The following CLTRN variants were observed in gnomAD, a reference collection of about 807,000 sequenced individuals.
CLTRN encodes collectrin, amino acid transport regulator.
In CLTRN, 12 loss-of-function variants were observed where a neutral mutation model predicts 14.5. The observed-to-expected ratio is 0.83, with a 90% confidence interval of 0.53 to 1.34. The LOEUF (loss-of-function observed/expected upper bound fraction) is 1.34, where lower values mean the gene tolerates loss of function less well. Among genes scored for constraint, CLTRN ranks in the 40% most tolerant of loss-of-function variants. CLTRN has a pLI of 0.00. For synonymous variants in CLTRN, 58 were observed against 56.5 expected (o/e 1.03, Z -0.12); for missense variants, 154 against 165.1 (o/e 0.93, Z 0.37).
chrX:15,633,847 A>T (rs1445491285), intron 5 of CLTRN, among the ~76,000 whole-genome samples: 1 of 112,343 alleles, frequency 8.9e-6, no homozygotes, highest in South Asian at 3.6e-4. Context: ...TTACTATAAG[A>T]TTACAATCTC....
At chrX:15,667,546 G>A (rs1033618317), upstream of CLTRN, among the ~76,000 whole-genome samples, 16 of 112,621 alleles carry the variant, frequency 1.4e-4, no homozygotes, top group East Asian at 2.8e-4. Flanking sequence ...TTCCATCAGC[G>A]TCAACGAATG....
chrX:15,636,799 ACATTTATGTCAGTCAATCCT>A (rs1928829904), intron 5 of CLTRN, among the ~76,000 whole-genome samples: 1 of 111,552 alleles, frequency 9.0e-6, no homozygotes, highest in Non-Finnish European at 1.9e-5. Context: ...TACTTTATAC[ACATTTATGTCAGTCAATCCT>A]CATGAAAGCC....
At chrX:15,629,640 A>G (rs1458434551) in intron 5 of CLTRN, among the ~76,000 whole-genome samples, 1 of 111,592 alleles carries the variant, frequency 9.0e-6, no homozygotes, top group East Asian at 2.8e-4. Flanking sequence ...AGTAATAGGA[A>G]CAGAAAATCA....
At chrX:15,637,905 T>C (rs1358608278) in intron 5 of CLTRN, among the ~76,000 whole-genome samples, 1 of 112,093 alleles carries the variant, frequency 8.9e-6, no homozygotes, top group African/African-American at 3.2e-5. Flanking sequence ...TCTCCTAAGC[T>C]CAGTTTCCCT....
At chrX:15,646,713 C>T in intron 3 of CLTRN, 1 of 341,396 alleles carries the variant, frequency 2.9e-6, no homozygotes, top group Non-Finnish European at 5.9e-6. Context: ...TCCCAACAGG[C>T]TGCCGCTGCT....
In CLTRN at chrX:15,653,330, T is replaced by C. The variant is rs767596647; in HGVS notation, c.203+5686A>G. Among the ~76,000 whole-genome samples, 43 of 108,820 alleles carry C rather than the reference T, an allele frequency of 4.0e-4. No homozygotes were observed. The South Asian group carries it at 0.015, about 37-fold the overall frequency. The allele number at this position is 108,820 out of a possible 115,157, so 94.5% of individuals were successfully genotyped here. On this transcript the variant is annotated intron_variant, in intron 3 of 5. Transcript: ENST00000380342. ...GGATCACGGTGGCCTTTTCTCTTTT[T>C]TTCTTTTTTTTAATTTAACTTTTCC...
At chrX:15,664,692 T>C in intron 1 of CLTRN, 26 bp downstream of exon 1, 1 of 1,165,692 alleles carries the variant, frequency 8.6e-7, no homozygotes, top group Non-Finnish European at 1.2e-6. Flanking sequence ...ACTGTTCATC[T>C]ATTTTTAAAT....
At chrX:15,630,811 G>T (rs1468275093) in intron 5 of CLTRN, among the ~76,000 whole-genome samples, 1 of 111,641 alleles carries the variant, frequency 9.0e-6, no homozygotes, top group Non-Finnish European at 1.9e-5. Context: ...GGTTGGGGTG[G>T]ACATAGATTT....
chrX:15,659,031 T>G lies in CLTRN; in HGVS notation c.188A>C (p.Asn63Thr), dbSNP rs771146784. The change falls in exon 3 of 6, where the codon AAC becomes ACC. Residue 63 changes from asparagine to threonine, a missense_variant. Physicochemically the swap from Asn to Thr is moderately conservative, Grantham distance 65. Coordinates refer to ENST00000380342, the MANE Select transcript of CLTRN (RefSeq NM_020665.6). ...MVAFSMRKVP[N>T]REATEISHVL... is the part of the protein sequence containing the mutation. ...ATTTGCTTACTCTGTTGCTTCTCTG[T>G]TGGGAACTTTTCTCATGGAGAAAGC... is the stretch of plus-strand genomic sequence containing the variant. 24 of 1,159,805 alleles carry G rather than the reference T, an allele frequency of 2.1e-5. No homozygotes were observed. Among genetic ancestry groups the G allele is most frequent in the Admixed American group, 6.7e-5 (3 of 44,900 alleles).
chrX:15,656,602 G>A (rs5936004), intron 3 of CLTRN, among the ~76,000 whole-genome samples: 1 of 110,281 alleles, frequency 9.1e-6, no homozygotes, highest in Admixed American at 9.7e-5. Flanking sequence ...GCGGCTACTG[G>A]TATCTTCCAT....
intron 5 of CLTRN, among the ~76,000 whole-genome samples, chrX:15,634,915 C>T (rs760160550): frequency 9.5e-6 from 1 of 105,558 alleles, no homozygotes; most frequent in African/African-American, 3.5e-5. Context: ...CACATGTACC[C>T]TAAAACTTAA....
intron 3 of CLTRN, among the ~76,000 whole-genome samples, chrX:15,652,565 T>C (rs1929245255): frequency 9.0e-6 from 1 of 110,958 alleles, no homozygotes; most frequent in South Asian, 3.7e-4. Flanking sequence ...GCTAAGTTCA[T>C]ATACAAAAAA....
At chrX:15,644,193 A>T (rs1929005056) in intron 4 of CLTRN, among the ~76,000 whole-genome samples, 1 of 111,896 alleles carries the variant, frequency 8.9e-6, no homozygotes, top group Admixed American at 9.4e-5. Flanking sequence ...CTTTTTCCTG[A>T]TTGTCCTGCT....
At chrX:15,629,147 T>G (rs1383495841) in intron 5 of CLTRN, among the ~76,000 whole-genome samples, 1 of 111,643 alleles carries the variant, frequency 9.0e-6, no homozygotes, top group East Asian at 2.8e-4. Flanking sequence ...ATGAGGCTCC[T>G]GGACTTGCAA....
chrX:15,657,606 T>C (rs1569254214), intron 3 of CLTRN, among the ~76,000 whole-genome samples: 1 of 102,500 alleles, frequency 9.8e-6, no homozygotes, highest in Non-Finnish European at 2.0e-5. Context: ...AGGTTACCAT[T>C]GTGAGATAAC....
intron 1 of CLTRN, 47 bp from the exon 2 acceptor site, chrX:15,664,442 T>G (rs1471366672): frequency 1.9e-6 from 2 of 1,062,460 alleles, no homozygotes; most frequent in South Asian, 4.1e-5. Context: ...GATTAGGATC[T>G]GCCAAAACAG....
intron 1 of CLTRN, among the ~76,000 whole-genome samples, chrX:15,672,394 C>A: frequency 9.1e-6 from 1 of 109,514 alleles, no homozygotes; most frequent in Non-Finnish European, 1.9e-5. Flanking sequence ...GTATTGCAGC[C>A]ATGGTCTATG....
intron 4 of CLTRN, among the ~76,000 whole-genome samples, chrX:15,643,987 G>A (rs947006994): frequency 2.7e-5 from 3 of 111,926 alleles, no homozygotes; most frequent in Non-Finnish European, 5.6e-5. Flanking sequence ...TCAATCACAT[G>A]TGGTATTTGA....
intron 2 of CLTRN, among the ~76,000 whole-genome samples, chrX:15,662,153 A>C (rs182728356): frequency 1.8e-5 from 2 of 110,393 alleles, no homozygotes; most frequent in East Asian, 5.7e-4. Flanking sequence ...ACCTCTCTCT[A>C]GAGAGAGAAC....
Sources: allele counts gnomAD v4.1 joint callset (sites outside exome capture counted in the v4.1 genomes callset), GRCh38; gene constraint gnomAD v4.1.1; transcripts MANE v1.5; gene names NCBI Gene and HGNC (gene_info 2026-07-23, HGNC 2026-07-21).